ARNT: variants seen among roughly 807,000 people sequenced by gnomAD.
ARNT encodes the protein class E basic helix-loop-helix protein 2.
A neutral mutation model predicts 105.0 loss-of-function variants in ARNT; 30 were observed. That is an observed-to-expected ratio of 0.29 (90% CI 0.21 to 0.39). The LOEUF (loss-of-function observed/expected upper bound fraction) is 0.39. Among genes scored for constraint, ARNT ranks in the 10% least tolerant of loss-of-function variants. The probability of loss-of-function intolerance (pLI) is 1.00; values close to 1 mark genes in which losing one functional copy is unlikely to be tolerated. For synonymous variants in ARNT, 304 were observed against 344.0 expected (o/e 0.88, Z 1.29); for missense variants, 748 against 978.7 (o/e 0.76, Z 3.15).
At chr1:150,826,258 A>G (rs587653124) in intron 13 of ARNT, among the ~76,000 whole-genome samples, 2 of 152,296 alleles carry the variant, frequency 1.3e-5, no homozygotes, top group Admixed American at 6.5e-5. Flanking sequence ...GGTTGGGCGC[A>G]TGAGCCACCA....
Position 150,816,873 on chromosome 1 carries a change from A to C in ARNT, c.1717T>G (p.Ser573Ala), listed in dbSNP as rs1269170414. The change falls in exon 18 of 22, where the codon TCC (serine) becomes GCC (alanine). Residue 573 changes from serine (S) to alanine (A), a missense_variant. Physicochemically the swap from Ser to Ala is moderately conservative, Grantham distance 99. This residue lies in a region of ARNT where 360 missense variants were observed against 411.9 expected (regional missense o/e 0.87). Coordinates refer to ENST00000358595, the MANE Select transcript of ARNT (RefSeq NM_001668.4). ...NINADQSKGI[S>A]SSTVPATQQL... ...TGGGTGGCAGGGACAGTGCTGGAGG[A>C]GATGCCTTTACTCTGATCTGTGGAC... The C allele has an allele frequency of 6.2e-7, 1 of 1,604,232 alleles. No homozygotes were observed. The highest frequency in any genetic ancestry group is 1.8e-5 in the Admixed American group (1 of 55,726).
intron 1 of ARNT, among the ~76,000 whole-genome samples, chr1:150,863,808 T>A (rs1461740683): frequency 6.7e-6 from 1 of 149,796 alleles, no homozygotes; most frequent in Non-Finnish European, 1.5e-5. Context: ...AGAGCAAAAC[T>A]CCGTCTCAAA....
chr1:150,865,725 A>G (rs1666455448), intron 1 of ARNT, among the ~76,000 whole-genome samples: 1 of 152,022 alleles, frequency 6.6e-6, no homozygotes, highest in Admixed American at 6.6e-5. Flanking sequence ...GAAAACTAAC[A>G]CCAATGTATG....
intron 19 of ARNT, 98 bp downstream of exon 19, chr1:150,816,161 G>A: frequency 7.0e-7 from 1 of 1,420,028 alleles, no homozygotes; most frequent in Non-Finnish European, 9.6e-7. Flanking sequence ...GGGTTGGGGA[G>A]AAGGTATTTA....
chr1:150,811,083 A>T lies in ARNT; in HGVS notation c.*938T>A. On this transcript the variant is annotated 3_prime_UTR_variant, in exon 22 of 22. Coordinates refer to ENST00000358595, the MANE Select transcript of ARNT (RefSeq NM_001668.4). ...AAATGCAGCATTATCTTTATGGCCA[A>T]GTCTCGGGTTCCAGAAAGTGTTTAT... is the stretch of plus-strand genomic sequence containing the variant. The T allele has an allele frequency of 4.3e-6, 1 of 232,740 alleles. No homozygotes were observed. The highest frequency in any genetic ancestry group is 8.5e-6 in the Non-Finnish European group (1 of 117,398). 14.4% of individuals were successfully genotyped at this position (232,740 alleles called of 1,614,324 possible). A position where few individuals can be genotyped will look rare whatever the true frequency, so the allele number is the denominator to read the frequency against.
chr1:150,849,891 C>G (rs752462701), intron 3 of ARNT, among the ~76,000 whole-genome samples: 1 of 152,038 alleles, frequency 6.6e-6, no homozygotes, highest in South Asian at 2.1e-4. Context: ...ATGGTGAAAC[C>G]CCGTCTCTAC....
chr1:150,876,475 G>C, intron 1 of ARNT, 68 bp downstream of exon 1: 2 of 1,542,098 alleles, frequency 1.3e-6, no homozygotes, highest in Non-Finnish European at 1.7e-6. Context: ...CTCAGCCCTG[G>C]GTCTCCTTAG....
chr1:150,834,110 TG>T (rs939259285), intron 8 of ARNT, among the ~76,000 whole-genome samples: 2 of 152,022 alleles, frequency 1.3e-5, no homozygotes, highest in African/African-American at 4.8e-5. Context: ...ATTTTGTTGT[TG>T]TTTTTTTTTA....
chr1:150,867,532 A>G (rs1279168535), intron 1 of ARNT, among the ~76,000 whole-genome samples: 1 of 152,190 alleles, frequency 6.6e-6, no homozygotes, highest in East Asian at 1.9e-4. Context: ...TTTAAAAGAA[A>G]AAGAGAGAGA....
At position 150,816,839 on chromosome 1, in the gene ARNT, A is replaced by C. The variant is rs1398207185; in HGVS notation, c.1751T>G (p.Phe584Cys). Residue 584 changes from phenylalanine to cysteine, a missense_variant, in exon 18 of 22, where the codon TTC (phenylalanine) becomes TGC (cysteine). Coordinates refer to ENST00000358595, the MANE Select transcript of ARNT (RefSeq NM_001668.4). Reference sequence around the variant, plus strand: ...AGGAGGGAATGTGTTGCCCTGGGAGAATAGCTGTTGGGTGGCAGGGACAGT... The same window carrying C: ...AGGAGGGAATGTGTTGCCCTGGGAGCATAGCTGTTGGGTGGCAGGGACAGT... ...SSTVPATQQL[F>C]SQGNTFPPTP... 1 of 1,591,096 alleles carries C rather than the reference A, an allele frequency of 6.3e-7. No homozygotes were observed. Among genetic ancestry groups the C allele is most frequent in the South Asian group, 1.1e-5 (1 of 87,862 alleles).
chr1:150,819,092 C>T (rs1001796423), intron 14 of ARNT, among the ~76,000 whole-genome samples: 5 of 152,140 alleles, frequency 3.3e-5, no homozygotes, highest in Non-Finnish European at 7.4e-5. Flanking sequence ...AAACTTGTCA[C>T]TAGGTATTAT....
At chr1:150,816,738 A>G (rs1438453939) in intron 18 of ARNT, 50 bp downstream of exon 18, 1 of 1,496,586 alleles carries the variant, frequency 6.7e-7, no homozygotes, top group Non-Finnish European at 8.9e-7. Context: ...TGGATTCAGC[A>G]GCTGAATCCC....
intron 3 of ARNT, among the ~76,000 whole-genome samples, chr1:150,850,481 G>C (rs587728225): frequency 2.0e-5 from 3 of 152,226 alleles, no homozygotes; most frequent in African/African-American, 7.2e-5. Flanking sequence ...ACGGGGTTTC[G>C]CTGGGTTGGC....
At position 150,832,399 on chromosome 1, in the gene ARNT, C is replaced by T. The variant is rs781262482; in HGVS notation, c.804G>A (p.Arg268=). 3.7e-6 allele frequency: 6 copies of T among 1,614,106 alleles called. No individual in the cohort carries two copies. Among genetic ancestry groups the T allele is most frequent in the Non-Finnish European group, 4.2e-6 (5 of 1,179,990 alleles). The change falls in exon 9 of 22, where the codon AGG becomes AGA. Residue 268 remains arginine (R), a splice_region_variant and synonymous_variant. Coordinates refer to ENST00000358595, the MANE Select transcript of ARNT (RefSeq NM_001668.4). ...CTGGGTCCACAGAGCTACTGCCACA[C>T]CTGTTTCAAGGAATAAAGAGATTAA... ...GSRRSFICRM[R]CGSSSVDPVS...
In ARNT at chr1:150,818,029, T is replaced by A; in HGVS notation, c.1396A>T (p.Asn466Tyr). ...GTAGGCCGTGGTTCTTGGCTAGAGT[T>A]CCTAGGAAACCAGAGTAGACAGTAA... is the stretch of plus-strand genomic sequence containing the variant. ...YIICTNTNVK[N>Y]SSQEPRPTLS... Residue 466 changes from asparagine to tyrosine, a missense_variant and splice_region_variant, in exon 15 of 22, where the codon AAC (asparagine) becomes TAC (tyrosine). Asn to Tyr is a moderately radical substitution (Grantham distance 143, BLOSUM62 -2). Coordinates refer to ENST00000358595, the MANE Select transcript of ARNT (RefSeq NM_001668.4). The A allele has an allele frequency of 6.3e-7, 1 of 1,590,914 alleles. No homozygotes were observed. The highest frequency in any genetic ancestry group is 8.6e-7 in the Non-Finnish European group (1 of 1,168,388).
chr1:150,874,175 T>G (rs1346510439), intron 1 of ARNT, among the ~76,000 whole-genome samples: 1 of 152,134 alleles, frequency 6.6e-6, no homozygotes, highest in Non-Finnish European at 1.5e-5. Context: ...AAACATTTAC[T>G]TTCACTAAGC....
chr1:150,848,160 T>A (rs587768073), intron 3 of ARNT, among the ~76,000 whole-genome samples: 1 of 152,314 alleles, frequency 6.6e-6, no homozygotes, highest in Non-Finnish European at 1.5e-5. Context: ...AAACTGTAGT[T>A]GTCTAAAGAG....
At chr1:150,841,411 C>A (rs905490282) in intron 5 of ARNT, among the ~76,000 whole-genome samples, 3 of 152,168 alleles carry the variant, frequency 2.0e-5, no homozygotes, top group Admixed American at 2.0e-4. Flanking sequence ...TGACTTTCCC[C>A]AGGCTGCTCT....
chr1:150,865,887 T>C (rs1557963178), intron 1 of ARNT, among the ~76,000 whole-genome samples: 3 of 152,078 alleles, frequency 2.0e-5, no homozygotes, highest in Non-Finnish European at 4.4e-5. Flanking sequence ...TGTATGAAAA[T>C]ATTTCTTCTA....
Sources: allele counts gnomAD v4.1 joint callset (sites outside exome capture counted in the v4.1 genomes callset), GRCh38; gene constraint gnomAD v4.1.1; regional missense constraint gnomAD v4.1.1; transcripts MANE v1.5; gene names NCBI Gene and HGNC (gene_info 2026-07-23, HGNC 2026-07-21).